The following PM20D2 variants were observed in gnomAD, a reference collection of about 807,000 sequenced individuals.
PM20D2 encodes the protein peptidase M20 domain containing 2.
PM20D2 carries 33 observed loss-of-function variants against 42.9 expected under a neutral mutation model. The ratio of observed to expected loss-of-function variants is 0.77; its 90% CI spans 0.58 to 1.03. The LOEUF (loss-of-function observed/expected upper bound fraction) is 1.03, where lower values mean the gene tolerates loss of function less well. Among genes scored for constraint, PM20D2 ranks in the 50% least tolerant of loss-of-function variants. The probability of loss-of-function intolerance (pLI) is 0.00; values close to 1 mark genes in which losing one functional copy is unlikely to be tolerated. For missense variants in PM20D2, 548 were observed against 557.0 expected (o/e 0.98, Z 0.16); for synonymous variants, 250 against 228.2 (o/e 1.10, Z -0.86).
At chr6:89,158,509 C>A in intron 5 of PM20D2, 49 bp downstream of exon 5, 1 of 1,572,354 alleles carries the variant, frequency 6.4e-7, no homozygotes, top group East Asian at 2.3e-5. Flanking sequence ...AAGAGAAATA[C>A]CATCTTTGGT....
chr6:89,118,432 G>A, the PM20D2 span, among the ~76,000 whole-genome samples: 8 of 152,212 alleles, frequency 5.3e-5, 1 homozygote, highest in Non-Finnish European at 1.5e-5. Flanking sequence ...TAGGCCTCCT[G>A]CCCCTCTGGT....
chr6:89,132,132 T>TA, the PM20D2 span, among the ~76,000 whole-genome samples: 1 of 152,066 alleles, frequency 6.6e-6, no homozygotes, highest in East Asian at 1.9e-4. Flanking sequence ...AGTTTCCCAA[T>TA]AAAAGAACCT....
rs1395544113 is a variant in PM20D2 at position 89,146,503 on chromosome 6, T to TCGGCCACGCCTG, written c.367_378dup (p.Ala123_His126dup). On this transcript the variant is annotated inframe_insertion, in exon 1 of 7. Transcript: ENST00000275072. ...TGCGAGTACGACGCGCTGCCCGGCA[T>TCGGCCACGCCTG]CGGCCACGCCTGCGGCCACAACCTC... 6 of 1,523,482 alleles carry TCGGCCACGCCTG rather than the reference T, an allele frequency of 3.9e-6. No individual in the cohort carries two copies. The highest frequency in any genetic ancestry group is 2.8e-5 in the African/African-American group (2 of 70,772). 94.4% of individuals were successfully genotyped at this position (1,523,482 alleles called of 1,614,324 possible).
chr6:89,156,990 T>C (rs1040309980), intron 4 of PM20D2, among the ~76,000 whole-genome samples: 1 of 152,198 alleles, frequency 6.6e-6, no homozygotes, highest in African/African-American at 2.4e-5. Flanking sequence ...GAAATACTTA[T>C]GGATGTGAAC....
chr6:89,152,619 G>T (rs1582341111), intron 2 of PM20D2, among the ~76,000 whole-genome samples: 1 of 152,086 alleles, frequency 6.6e-6, no homozygotes. Flanking sequence ...ACTTCAAATA[G>T]TAACTCCTTT....
At position 89,159,826 on chromosome 6, in the gene PM20D2, T is replaced by G. The variant is rs1452428406; in HGVS notation, c.1048+1366T>G. Among the ~76,000 whole-genome samples the G allele has an allele frequency of 3.3e-5, 5 of 152,174 alleles. No individual in the cohort carries two copies. In the East Asian group the frequency reaches 9.6e-4, roughly 29 times the overall value. Reference sequence around the variant, plus strand: ...AGGGACATCAGAGTTTCATGTTTTCTTTTGTTCTGGACAGCAAGAAAGCTC... The same window carrying G: ...AGGGACATCAGAGTTTCATGTTTTCGTTTGTTCTGGACAGCAAGAAAGCTC... On this transcript the variant is annotated intron_variant, in intron 5 of 6. Transcript: ENST00000275072.
chr6:89,139,409 A>G, the PM20D2 span, among the ~76,000 whole-genome samples: 5 of 152,078 alleles, frequency 3.3e-5, no homozygotes, highest in East Asian at 9.6e-4. Context: ...GTAAAGTCTC[A>G]TGTTGGCCAG....
upstream of PM20D2, among the ~76,000 whole-genome samples, chr6:89,142,894 GTGAACCAC>G (rs1562240064): frequency 6.6e-6 from 1 of 152,024 alleles, no homozygotes; most frequent in East Asian, 1.9e-4. Context: ...TCCTGACCTC[GTGAACCAC>G]CCACCTCGGC....
At chr6:89,160,444 C>G (rs571532827) in intron 5 of PM20D2, among the ~76,000 whole-genome samples, 1 of 152,318 alleles carries the variant, frequency 6.6e-6, no homozygotes, top group East Asian at 1.9e-4. Context: ...GTTAGCTACT[C>G]TTTGTCACAT....
At chr6:89,157,535 T>A (rs1408865789) in intron 4 of PM20D2, among the ~76,000 whole-genome samples, 1 of 152,226 alleles carries the variant, frequency 6.6e-6, no homozygotes, top group African/African-American at 2.4e-5. Context: ...ATCTTCTACA[T>A]TTCCCTCAGA....
the PM20D2 span, among the ~76,000 whole-genome samples, chr6:89,129,089 G>A: frequency 2.6e-5 from 4 of 152,182 alleles, no homozygotes; most frequent in East Asian, 1.9e-4. Flanking sequence ...AGAGGGTGTG[G>A]TGGCCTCTCA....
upstream of PM20D2, among the ~76,000 whole-genome samples, chr6:89,143,874 G>A (rs955925670): frequency 4.6e-5 from 7 of 152,162 alleles, no homozygotes; most frequent in Admixed American, 1.3e-4. Flanking sequence ...AGTCAGTGTC[G>A]TTTAATGGTT....
the PM20D2 span, chr6:89,097,163 A>G: frequency 4.6e-5 from 7 of 152,354 alleles, no homozygotes; most frequent in Non-Finnish European, 8.8e-5. Context: ...ACTGGCTCCT[A>G]TATACTAAAA....
chr6:89,146,661 G>A lies in PM20D2; in HGVS notation c.465+52G>A, dbSNP rs192150696. 5.5e-3 allele frequency: 7,219 copies of A among 1,316,880 alleles called. 36 individuals are homozygous for A. The highest frequency in any genetic ancestry group is 0.027 in the Admixed American group (706 of 25,690). The allele number at this position is 1,316,880 out of a possible 1,614,324, so 81.6% of individuals were successfully genotyped here. On this transcript the variant is annotated intron_variant, in intron 1 of 6. Transcript: ENST00000275072. The stretch of plus-strand genomic sequence containing the variant: ...CTATCCGACTGCCCGGGTCGGGGGC[G>A]ACCCGGGAAGGGCGGGACTCTCGTG...
the PM20D2 span, among the ~76,000 whole-genome samples, chr6:89,099,715 A>G: frequency 6.6e-6 from 1 of 151,798 alleles, no homozygotes; most frequent in Non-Finnish European, 1.5e-5. Context: ...TTGTATTTTC[A>G]GTAGAGATGG....
At chr6:89,148,386 G>T (rs1404132825) in intron 1 of PM20D2, 7 of 253,000 alleles carry the variant, frequency 2.8e-5, no homozygotes, top group Non-Finnish European at 4.4e-5. Context: ...GACTTTTCCA[G>T]CTTGTTTCAT....
the PM20D2 span, among the ~76,000 whole-genome samples, chr6:89,099,488 G>GTATATATATATATATATATATA: frequency 7.4e-6 from 1 of 135,040 alleles, no homozygotes; most frequent in Non-Finnish European, 1.5e-5. Context: ...ATATGTGTGT[G>GTATATATATATATATATATATA]TATATATATA....
At chr6:89,136,780 T>C in the PM20D2 span, among the ~76,000 whole-genome samples, 1 of 150,974 alleles carries the variant, frequency 6.6e-6, no homozygotes, top group African/African-American at 2.5e-5. Flanking sequence ...TCAGAATAAA[T>C]TTCTGTTTTG....
the PM20D2 span, among the ~76,000 whole-genome samples, chr6:89,099,376 T>G: frequency 8.9e-6 from 1 of 112,896 alleles, no homozygotes; most frequent in Admixed American, 9.5e-5. Context: ...AATCTTCCCA[T>G]AGAAAACAGC....
Sources: allele counts gnomAD v4.1 joint callset (sites outside exome capture counted in the v4.1 genomes callset), GRCh38; gene constraint gnomAD v4.1.1; transcripts MANE v1.5; gene names NCBI Gene and HGNC (gene_info 2026-07-23, HGNC 2026-07-21).